Variants in HERC4 observed in about 807,000 individuals in gnomAD.
The protein encoded by HERC4 is HECT and RLD domain containing E3 ubiquitin protein ligase 4, also known as probable E3 ubiquitin-protein ligase HERC4.
A neutral mutation model predicts 124.3 loss-of-function variants in HERC4; 28 were observed. That is an observed-to-expected ratio of 0.23 (90% CI 0.17 to 0.31). The LOEUF (loss-of-function observed/expected upper bound fraction) is 0.31. Among genes scored for constraint, HERC4 ranks in the 10% least tolerant of loss-of-function variants. The pLI, the probability that HERC4 is intolerant of heterozygous loss-of-function variation, is 1.00. For missense variants in HERC4, 713 were observed against 1,229.3 expected (o/e 0.58, Z 6.28); for synonymous variants, 407 against 421.5 (o/e 0.97, Z 0.42).
intron 3 of HERC4, among the ~76,000 whole-genome samples, chr10:68,059,864 ATATAT>A (rs2040892386): frequency 1.0e-5 from 1 of 95,582 alleles, no homozygotes; most frequent in South Asian, 2.7e-4. Flanking sequence ...TCATAATATT[ATATAT>A]TATAATAATA....
chr10:67,957,918 C>T (rs1182669150), intron 16 of HERC4, among the ~76,000 whole-genome samples: 2 of 152,150 alleles, frequency 1.3e-5, no homozygotes, highest in African/African-American at 4.8e-5. Flanking sequence ...AGCGATTCTC[C>T]TGCCTCAGCC....
rs1564573428 is a variant in HERC4 at position 68,034,429 on chromosome 10, C to T, written c.464-243G>A. On this transcript the variant is annotated intron_variant, in intron 5 of 24. Transcript: ENST00000373700. ...AGTTTGATTGACTACACAGATGAAC[C>T]GGTGAATCACATAACAAGGAATAAT... Among the ~76,000 whole-genome samples the T allele has an allele frequency of 2.0e-5, 3 of 152,046 alleles. No individual in the cohort carries two copies. In the South Asian group the frequency reaches 6.2e-4, roughly 31 times the overall value.
At chr10:67,969,610 AG>A (rs1226121840) in intron 15 of HERC4, among the ~76,000 whole-genome samples, 1 of 152,178 alleles carries the variant, frequency 6.6e-6, no homozygotes, top group Non-Finnish European at 1.5e-5. Flanking sequence ...TCAGCCACTG[AG>A]GAAGGGGACG....
intron 3 of HERC4, among the ~76,000 whole-genome samples, chr10:68,064,904 AGAGGCTAGGGT>A (rs1469933352): frequency 6.6e-6 from 1 of 151,740 alleles, no homozygotes; most frequent in East Asian, 1.9e-4. Flanking sequence ...TCCAGGAGGC[AGAGGCTAGGGT>A]GAGTGGAGAT....
At chr10:67,946,908 A>G (rs569179318) in intron 19 of HERC4, among the ~76,000 whole-genome samples, 22 of 152,218 alleles carry the variant, frequency 1.4e-4, no homozygotes, top group African/African-American at 4.8e-4. Context: ...CTCTGTCTCA[A>G]AACAAAACAA....
At chr10:68,017,514 C>T (rs1250628468) in intron 8 of HERC4, among the ~76,000 whole-genome samples, 1 of 152,160 alleles carries the variant, frequency 6.6e-6, no homozygotes, top group Admixed American at 6.5e-5. Context: ...ACAGAGTTTT[C>T]GCTCTGTTGC....
intron 22 of HERC4, among the ~76,000 whole-genome samples, chr10:67,935,683 G>T (rs2132075642): frequency 6.6e-6 from 1 of 152,212 alleles, no homozygotes; most frequent in Non-Finnish European, 1.5e-5. Context: ...CCAGATTCCT[G>T]GTGTGCTAAG....
intron 9 of HERC4, among the ~76,000 whole-genome samples, chr10:67,998,030 C>T (rs2036996246): frequency 6.6e-6 from 1 of 151,926 alleles, no homozygotes; most frequent in Non-Finnish European, 1.5e-5. Flanking sequence ...TCTGGAGTAG[C>T]TGGGACTATA....
intron 9 of HERC4, chr10:67,994,152 A>T (rs1311926834): frequency 6.6e-6 from 1 of 152,236 alleles, no homozygotes; most frequent in Non-Finnish European, 1.5e-5. Flanking sequence ...AAGGCCAAAA[A>T]CAAGTTTTAA....
intron 19 of HERC4, among the ~76,000 whole-genome samples, chr10:67,946,240 C>T (rs1023655096): frequency 6.7e-6 from 1 of 150,276 alleles, no homozygotes; most frequent in African/African-American, 2.4e-5. Context: ...AGAGCAAGAC[C>T]CTATGTCCAA....
At chr10:67,963,763 G>C (rs922381190) in intron 16 of HERC4, among the ~76,000 whole-genome samples, 1 of 151,998 alleles carries the variant, frequency 6.6e-6, no homozygotes, top group Non-Finnish European at 1.5e-5. Context: ...GCAAAGTCTT[G>C]GTATGAACAA....
At chr10:68,057,118 T>C (rs1341674741) in intron 3 of HERC4, among the ~76,000 whole-genome samples, 3 of 152,194 alleles carry the variant, frequency 2.0e-5, no homozygotes, top group African/African-American at 7.2e-5. Context: ...AATATATATA[T>C]ATATTTGTCC....
chr10:67,951,117 T>C (rs1471876938), intron 19 of HERC4, among the ~76,000 whole-genome samples: 1 of 152,190 alleles, frequency 6.6e-6, no homozygotes, highest in African/African-American at 2.4e-5. Context: ...AAGAGATTCA[T>C]GATAAAGCTT....
At chr10:67,932,850 A>G in intron 22 of HERC4, 70 bp from the exon 23 acceptor site, 1 of 1,352,528 alleles carries the variant, frequency 7.4e-7, no homozygotes, top group Non-Finnish European at 1.0e-6. Flanking sequence ...TGTAGTCATT[A>G]AAACTTCAAG....
chr10:68,033,787 T>C (rs536631051), intron 6 of HERC4, among the ~76,000 whole-genome samples, 178 bp downstream of exon 6: 3 of 152,296 alleles, frequency 2.0e-5, no homozygotes, highest in African/African-American at 7.2e-5. Context: ...CTTTAATGAA[T>C]AAAGGATATT....
chr10:67,927,379 CATATATATATATATATATAT>C lies in HERC4; in HGVS notation c.2839-2212_2839-2193del, dbSNP rs768914387. 4.5e-3 allele frequency among the ~76,000 whole-genome samples: 398 copies of C among 87,978 alleles called. 11 individuals are homozygous for C. Among genetic ancestry groups the C allele is most frequent in the African/African-American group, 0.02 (352 of 17,520 alleles). 57.7% of individuals were successfully genotyped at this position (87,978 alleles called of 152,430 possible). A position where few individuals can be genotyped will look rare whatever the true frequency, so the allele number is the denominator to read the frequency against. ...ATCAAAGTGTTAAGAATAAATACAC[CATATATATATATATATATAT>C]ATATATATATATATATATATATATA... On this transcript the variant is annotated intron_variant, in intron 23 of 24. Coordinates refer to ENST00000373700, the MANE Select transcript of HERC4 (RefSeq NM_015601.4).
intron 15 of HERC4, among the ~76,000 whole-genome samples, chr10:67,974,248 A>G (rs1000744997): frequency 2.0e-5 from 3 of 152,086 alleles, no homozygotes; most frequent in Non-Finnish European, 4.4e-5. Flanking sequence ...GGAGACAACT[A>G]TAAGCTGTGG....
chr10:67,964,384 C>T (rs2034721295), intron 16 of HERC4, among the ~76,000 whole-genome samples: 1 of 152,132 alleles, frequency 6.6e-6, no homozygotes, highest in Admixed American at 6.5e-5. Flanking sequence ...GGATTTCTCT[C>T]CTTTCCTCAC....
chr10:67,992,071 T>C lies in HERC4; in HGVS notation c.1271+128A>G, dbSNP rs144827497. 8.4e-4 allele frequency: 668 copies of C among 795,744 alleles called. 3 individuals carry two copies. In the African/African-American group the frequency reaches 0.011, roughly 13 times the overall value. 49.3% of individuals were successfully genotyped at this position (795,744 alleles called of 1,614,324 possible). A position where few individuals can be genotyped will look rare whatever the true frequency, so the allele number is the denominator to read the frequency against. The stretch of plus-strand genomic sequence containing the variant: ...GCACCACCACGCCCAGCTAATTGTA[T>C]TTTTTTGTAGAGACAGGGTTTTGCC... On this transcript the variant is annotated intron_variant, in intron 11 of 24. Transcript: ENST00000373700.
Sources: allele counts gnomAD v4.1 joint callset (sites outside exome capture counted in the v4.1 genomes callset), GRCh38; gene constraint gnomAD v4.1.1; transcripts MANE v1.5; gene names NCBI Gene and HGNC (gene_info 2026-07-23, HGNC 2026-07-21).